The following CMTR1 variants were observed in gnomAD, a reference collection of about 807,000 sequenced individuals.
The protein encoded by CMTR1 is cap methyltransferase 1.
A neutral mutation model predicts 107.0 loss-of-function variants in CMTR1; 39 were observed. The ratio of observed to expected loss-of-function variants is 0.36; its 90% CI spans 0.28 to 0.48. The LOEUF (loss-of-function observed/expected upper bound fraction) is 0.48, where lower values mean the gene tolerates loss of function less well. Ranked by LOEUF, CMTR1 falls within the 20% of genes least tolerant of loss-of-function variation. The pLI, the probability that CMTR1 is intolerant of heterozygous loss-of-function variation, is 0.99. For synonymous variants in CMTR1, 366 were observed against 379.5 expected (o/e 0.96, Z 0.41); for missense variants, 672 against 1,064.9 (o/e 0.63, Z 5.14).
At chr6:37,436,000 G>A (rs887236313) in intron 2 of CMTR1, among the ~76,000 whole-genome samples, 2 of 152,180 alleles carry the variant, frequency 1.3e-5, no homozygotes, top group African/African-American at 2.4e-5. Context: ...GCTTTCTGTT[G>A]GTTGTCCTTC....
intron 8 of CMTR1, among the ~76,000 whole-genome samples, chr6:37,457,056 A>G (rs1332870464): frequency 7.1e-6 from 1 of 140,868 alleles, no homozygotes; most frequent in East Asian, 2.0e-4. Flanking sequence ...TCCTGTCTCT[A>G]AAAAAAAAAA....
the CMTR1 span, among the ~76,000 whole-genome samples, chr6:37,424,897 ACTCT>A: frequency 6.7e-6 from 1 of 149,390 alleles, no homozygotes; most frequent in African/African-American, 2.5e-5. Flanking sequence ...GTGGTAACAA[ACTCT>A]CTCAGCTTTT....
chr6:37,468,057 G>C lies in CMTR1; in HGVS notation c.1506-2964G>C, dbSNP rs560470827. 1.9e-3 allele frequency among the ~76,000 whole-genome samples: 278 copies of C among 148,426 alleles called. 2 individuals carry two copies. The highest frequency in any genetic ancestry group is 6.5e-3 in the African/African-American group (266 of 40,704). On this transcript the variant is annotated intron_variant, in intron 13 of 23. Transcript: ENST00000373451. ...TTCCTTTCTTCCCTCTGTTTTGTGG[G>C]GGGGGGGACTAATTCAGTATTTTTT...
intron 4 of CMTR1, among the ~76,000 whole-genome samples, chr6:37,448,064 A>T (rs1019081765): frequency 6.6e-6 from 1 of 151,140 alleles, no homozygotes; most frequent in African/African-American, 2.4e-5. Flanking sequence ...ACAAAAAATT[A>T]GCCGGGCATG....
chr6:37,440,623 A>G (rs142987589), intron 2 of CMTR1, among the ~76,000 whole-genome samples: 4 of 152,334 alleles, frequency 2.6e-5, no homozygotes, highest in African/African-American at 7.2e-5. Flanking sequence ...GATAATGTAC[A>G]TTAGGTAACA....
intron 4 of CMTR1, among the ~76,000 whole-genome samples, chr6:37,449,520 G>C (rs907264794): frequency 6.6e-6 from 1 of 152,074 alleles, no homozygotes; most frequent in Admixed American, 6.5e-5. Flanking sequence ...TGTTGGCCAG[G>C]CTGGTCTTGA....
chr6:37,455,199 C>T (rs1180441247), intron 8 of CMTR1, among the ~76,000 whole-genome samples: 1 of 152,156 alleles, frequency 6.6e-6, no homozygotes, highest in Non-Finnish European at 1.5e-5. Flanking sequence ...ATTCTCCTGC[C>T]TCAGCCTCCC....
intron 8 of CMTR1, among the ~76,000 whole-genome samples, chr6:37,454,438 G>GA (rs1197334391): frequency 6.6e-6 from 1 of 152,204 alleles, no homozygotes; most frequent in Non-Finnish European, 1.5e-5. Context: ...AGCATCTTGA[G>GA]AAAATTAGGT....
At chr6:37,463,723 G>A (rs1248155814) in intron 13 of CMTR1, among the ~76,000 whole-genome samples, 1 of 152,032 alleles carries the variant, frequency 6.6e-6, no homozygotes, top group Non-Finnish European at 1.5e-5. Context: ...AGATAGAGGT[G>A]GCCCTGGAGA....
At chr6:37,447,690 A>T (rs1214889061) in intron 4 of CMTR1, among the ~76,000 whole-genome samples, 1 of 150,722 alleles carries the variant, frequency 6.6e-6, no homozygotes, top group African/African-American at 2.4e-5. Flanking sequence ...ACGAAACCCC[A>T]TCTCTGCTAA....
chr6:37,431,461 C>T (rs1771366380), upstream of CMTR1, among the ~76,000 whole-genome samples: 1 of 152,218 alleles, frequency 6.6e-6, no homozygotes, highest in Non-Finnish European at 1.5e-5. Context: ...ATATTCCACA[C>T]TTCCACAGAT....
intron 21 of CMTR1, 135 bp from the exon 22 acceptor site, chr6:37,478,274 G>A (rs1761779827): frequency 7.2e-6 from 5 of 691,638 alleles, no homozygotes; most frequent in East Asian, 2.6e-5. Context: ...CCACCCACTC[G>A]GCTGTGTGCC....
chr6:37,426,851 G>A, the CMTR1 span, among the ~76,000 whole-genome samples: 1 of 152,150 alleles, frequency 6.6e-6, no homozygotes, highest in Non-Finnish European at 1.5e-5. Context: ...GAATAAAAAG[G>A]TCACCAGCCC....
intron 13 of CMTR1, among the ~76,000 whole-genome samples, 200 bp downstream of exon 13, chr6:37,463,208 C>T (rs1467284824): frequency 6.6e-6 from 1 of 152,182 alleles, no homozygotes; most frequent in Non-Finnish European, 1.5e-5. Flanking sequence ...CATGCCCTAT[C>T]CCAAGGGTGG....
At chr6:37,478,746 A>G (rs904696595) in intron 22 of CMTR1, among the ~76,000 whole-genome samples, 1 of 152,138 alleles carries the variant, frequency 6.6e-6, no homozygotes, top group Non-Finnish European at 1.5e-5. Flanking sequence ...AGAGGAGCTC[A>G]ACTTGTACAC....
At position 37,480,044 on chromosome 6, in the gene CMTR1, TG is replaced by T; in HGVS notation, c.2413del (p.Asp805MetfsTer47). ...ICYYGRLFWE[W>X]GDGIRVHDSQ... Reference sequence around the variant, plus strand: ...CTACTATGGCCGGCTCTTCTGGGAGTGGGGGGATGGCATTCGTGTGCATGAC... The same window carrying T: ...CTACTATGGCCGGCTCTTCTGGGAGTGGGGGATGGCATTCGTGTGCATGAC... On this transcript the variant is annotated frameshift_variant, in exon 24 of 24. Coordinates refer to ENST00000373451, the MANE Select transcript of CMTR1 (RefSeq NM_015050.3). LOFTEE classifies it high-confidence loss of function. 1.3e-6 allele frequency: 2 copies of T among 1,579,306 alleles called. No individual in the cohort carries two copies. The highest frequency in any genetic ancestry group is 1.7e-6 in the Non-Finnish European group (2 of 1,167,262).
At chr6:37,446,595 A>G (rs1407976753) in intron 4 of CMTR1, 146 bp downstream of exon 4, 5 of 919,516 alleles carry the variant, frequency 5.4e-6, no homozygotes, top group South Asian at 1.7e-5. Flanking sequence ...TACTGGGGAT[A>G]TCCAGAATGG....
chr6:37,451,921 A>C, intron 6 of CMTR1, 44 bp downstream of exon 6: 1 of 1,517,228 alleles, frequency 6.6e-7, no homozygotes, highest in South Asian at 1.1e-5. Context: ...ACCTTGTGGG[A>C]GGTGATTTGC....
In CMTR1 at chr6:37,481,014, A is replaced by T; in HGVS notation, c.*869A>T. On this transcript the variant is annotated 3_prime_UTR_variant, in exon 24 of 24. Coordinates refer to ENST00000373451, the MANE Select transcript of CMTR1 (RefSeq NM_015050.3). The stretch of plus-strand genomic sequence containing the variant: ...GGTTTGGGTAGCGCTGCCCTCTGGC[A>T]GTCATGCACCGCTGTCTGCCATAGC... 7.7e-7 allele frequency: 1 copy of T among 1,303,280 alleles called. No individual in the cohort carries two copies. The highest frequency in any genetic ancestry group is 1.0e-6 in the Non-Finnish European group (1 of 988,608). 80.7% of individuals were successfully genotyped at this position (1,303,280 alleles called of 1,614,324 possible). A position where few individuals can be genotyped will look rare whatever the true frequency, so the allele number is the denominator to read the frequency against.
Sources: allele counts gnomAD v4.1 joint callset (sites outside exome capture counted in the v4.1 genomes callset), GRCh38; gene constraint gnomAD v4.1.1; transcripts MANE v1.5; gene names NCBI Gene and HGNC (gene_info 2026-07-23, HGNC 2026-07-21).